The following CTNNA2 variants were observed in gnomAD, a reference collection of about 807,000 sequenced individuals.
The protein encoded by CTNNA2 is catenin alpha 2.
In CTNNA2, 42 loss-of-function variants were observed where a neutral mutation model predicts 101.0. The ratio of observed to expected loss-of-function variants is 0.42; its 90% confidence interval spans 0.32 to 0.54. The LOEUF (loss-of-function observed/expected upper bound fraction) is 0.54, where lower values mean the gene tolerates loss of function less well. Among genes scored for constraint, CTNNA2 ranks in the 20% least tolerant of loss-of-function variants. The pLI, the probability that CTNNA2 is intolerant of heterozygous loss-of-function variation, is 0.14. For synonymous variants in CTNNA2, 450 were observed against 456.4 expected, an observed-to-expected ratio of 0.99 and a Z score of 0.18; for missense variants, 871 against 1,223.1, an observed-to-expected ratio of 0.71 and a Z score of 4.29.
chr2:80,238,910 A>G (rs574323021), intron 7 of CTNNA2, among the ~76,000 whole-genome samples: 1 of 152,202 alleles, frequency 6.6e-6, no homozygotes, highest in African/African-American at 2.4e-5. Flanking sequence ...CAACATGCTG[A>G]TCTGTCGGCT....
chr2:79,773,581 T>C (rs1469057140), intron 3 of CTNNA2, among the ~76,000 whole-genome samples: 1 of 152,146 alleles, frequency 6.6e-6, no homozygotes, highest in Non-Finnish European at 1.5e-5. Flanking sequence ...GGGATGACTT[T>C]GAATAGAATG....
chr2:79,616,575 A>G (rs1678635165), intron 1 of CTNNA2, among the ~76,000 whole-genome samples: 1 of 152,180 alleles, frequency 6.6e-6, no homozygotes, highest in Non-Finnish European at 1.5e-5. Flanking sequence ...TAAAAACCAC[A>G]GCCACCCTCG....
At chr2:79,451,516 C>G (rs1297413547) in intron 4 of CTNNA2, among the ~76,000 whole-genome samples, 1 of 151,736 alleles carries the variant, frequency 6.6e-6, no homozygotes, top group Non-Finnish European at 1.5e-5. Context: ...GGTTAGTAAT[C>G]ATTCGTTTGT....
At chr2:80,264,069 G>T (rs1008567069) in intron 7 of CTNNA2, among the ~76,000 whole-genome samples, 1 of 152,044 alleles carries the variant, frequency 6.6e-6, no homozygotes, top group African/African-American at 2.4e-5. Flanking sequence ...ATATCAATTT[G>T]CACTTAACCA....
chr2:79,984,086 G>A (rs1293110776), intron 7 of CTNNA2, among the ~76,000 whole-genome samples: 1 of 152,148 alleles, frequency 6.6e-6, no homozygotes, highest in African/African-American at 2.4e-5. Flanking sequence ...ATGAAGACTT[G>A]CTACACAATT....
chr2:80,118,910 C>T (rs542229311), intron 7 of CTNNA2, among the ~76,000 whole-genome samples: 18 of 152,328 alleles, frequency 1.2e-4, no homozygotes, highest in African/African-American at 4.1e-4. Context: ...TCTTCACCAC[C>T]ATCCATCTCA....
At chr2:79,780,113 A>G (rs1040885919) in intron 3 of CTNNA2, among the ~76,000 whole-genome samples, 3 of 152,192 alleles carry the variant, frequency 2.0e-5, no homozygotes. Flanking sequence ...CCAATTGTCA[A>G]TCAGAAAATC....
intron 9 of CTNNA2, among the ~76,000 whole-genome samples, chr2:80,480,479 T>C (rs954833518): frequency 2.0e-5 from 3 of 152,122 alleles, no homozygotes; most frequent in African/African-American, 7.2e-5. Flanking sequence ...TATCTCATCA[T>C]GGAGTAGGAC....
intron 7 of CTNNA2, among the ~76,000 whole-genome samples, chr2:80,183,861 G>A (rs535725890): frequency 2.8e-5 from 4 of 144,912 alleles, no homozygotes; most frequent in South Asian, 2.2e-4. Context: ...GCGATTAAAC[G>A]TAAGAAGAAG....
chr2:79,882,711 C>A (rs1683538422), intron 6 of CTNNA2, among the ~76,000 whole-genome samples: 1 of 152,238 alleles, frequency 6.6e-6, no homozygotes, highest in Non-Finnish European at 1.5e-5. Flanking sequence ...CAGCAGGCAG[C>A]CACAGCTGTG....
At chr2:80,460,673 G>C (rs909915675) in intron 9 of CTNNA2, among the ~76,000 whole-genome samples, 29 of 151,902 alleles carry the variant, frequency 1.9e-4, no homozygotes, top group Non-Finnish European at 4.4e-5. Context: ...AACACACACA[G>C]TCACACACAT....
At chr2:80,340,026 G>A (rs559299137) in intron 7 of CTNNA2, among the ~76,000 whole-genome samples, 1 of 152,268 alleles carries the variant, frequency 6.6e-6, no homozygotes, top group East Asian at 1.9e-4. Context: ...AGTATATGCA[G>A]CTTTTTCATC....
intron 7 of CTNNA2, among the ~76,000 whole-genome samples, chr2:79,956,512 A>G (rs1689232519): frequency 2.0e-5 from 3 of 152,138 alleles, no homozygotes; most frequent in African/African-American, 7.2e-5. Context: ...CCCTTATTTG[A>G]AGGTTTGGGC....
chr2:79,187,691 G>C (rs1001920549), intron 1 of CTNNA2, among the ~76,000 whole-genome samples: 2 of 152,114 alleles, frequency 1.3e-5, no homozygotes, highest in African/African-American at 4.8e-5. Flanking sequence ...AAAAATTCAT[G>C]ATTTCACAGA....
At chr2:79,788,550 A>G (rs17017913) in intron 3 of CTNNA2, among the ~76,000 whole-genome samples, 10,511 of 152,244 alleles carry the variant, frequency 0.069, 946 homozygotes, top group African/African-American at 0.21. Context: ...AGATTTACAA[A>G]TATGTATTTT....
chr2:80,550,383 C>T (rs575835860), intron 11 of CTNNA2, among the ~76,000 whole-genome samples: 2 of 152,248 alleles, frequency 1.3e-5, no homozygotes, highest in South Asian at 4.1e-4. Context: ...GATGGCGTGG[C>T]TGTGGCAATT....
At chr2:79,652,768 C>A (rs1681350070) in intron 2 of CTNNA2, among the ~76,000 whole-genome samples, 1 of 152,148 alleles carries the variant, frequency 6.6e-6, no homozygotes, top group African/African-American at 2.4e-5. Flanking sequence ...AGTTTGCCCT[C>A]TGGCTCCCCA....
At chr2:80,217,829 CT>C (rs1269584125) in intron 7 of CTNNA2, among the ~76,000 whole-genome samples, 1 of 152,196 alleles carries the variant, frequency 6.6e-6, no homozygotes, top group African/African-American at 2.4e-5. Flanking sequence ...ACTTGATATT[CT>C]GCACACCTGA....
At chr2:79,210,317 C>G (rs1239399129) in intron 2 of CTNNA2, among the ~76,000 whole-genome samples, 1 of 152,020 alleles carries the variant, frequency 6.6e-6, no homozygotes, top group Non-Finnish European at 1.5e-5. Flanking sequence ...AAACTAGACA[C>G]AGTTTATATG....
Sources: gnomAD v4.1 joint callset for allele counts (sites outside exome capture counted in the v4.1 genomes callset) on GRCh38, gnomAD v4.1.1 for gene constraint, MANE v1.5 for transcripts, NCBI Gene and HGNC (gene_info 2026-07-23, HGNC 2026-07-21) for gene names.